Variants in MRPS15 observed in about 807,000 individuals in gnomAD.
MRPS15 encodes the protein small ribosomal subunit protein uS15m.
MRPS15 carries 25 observed loss-of-function variants against 30.7 expected under a neutral mutation model. The ratio of observed to expected loss-of-function variants is 0.81; its 90% CI spans 0.59 to 1.14. The LOEUF (loss-of-function observed/expected upper bound fraction) is 1.14, where lower values mean the gene tolerates loss of function less well. Among genes scored for constraint, MRPS15 ranks in the 50% most tolerant of loss-of-function variants. MRPS15 has a pLI of 0.00. For synonymous variants in MRPS15, 124 were observed against 120.1 expected (o/e 1.03, Z -0.21); for missense variants, 313 against 321.7 (o/e 0.97, Z 0.21).
intron 6 of MRPS15, 158 bp from the exon 7 acceptor site, chr1:36,456,536 T>G: frequency 1.4e-6 from 1 of 724,970 alleles, no homozygotes; most frequent in Non-Finnish European, 2.1e-6. Context: ...TATTCCCATT[T>G]TACAGATGAG....
At chr1:36,461,958 T>C (rs1224643616) in intron 3 of MRPS15, 130 bp downstream of exon 3, 3 of 707,904 alleles carry the variant, frequency 4.2e-6, no homozygotes, top group African/African-American at 3.6e-5. Context: ...CCTGGACACC[T>C]GGGCCCCTGC....
At chr1:36,464,018 G>C in intron 1 of MRPS15, 128 bp downstream of exon 1, 7 of 1,414,800 alleles carry the variant, frequency 4.9e-6, no homozygotes, top group South Asian at 2.8e-5. Flanking sequence ...TTCACCTCTT[G>C]CGCAACCACC....
chr1:36,461,543 CA>C (rs1481649450), intron 3 of MRPS15, among the ~76,000 whole-genome samples: 2 of 152,184 alleles, frequency 1.3e-5, no homozygotes, highest in African/African-American at 2.4e-5. Flanking sequence ...CCGGTCTCAT[CA>C]CAGGGAGGGC....
intron 5 of MRPS15, chr1:36,459,592 G>A (rs1650057428): frequency 6.6e-6 from 1 of 152,212 alleles, no homozygotes; most frequent in South Asian, 2.1e-4. Context: ...AGCAGGGCAA[G>A]GGAAGCTGAA....
rs186659135 is a variant in MRPS15 at position 36,464,349 on chromosome 1, C to T, written c.-74G>A. The T allele has an allele frequency of 3.0e-4, 468 of 1,546,474 alleles. 1 individual carries two copies. In the East Asian group the frequency reaches 0.01, roughly 34 times the overall value. ...TGCGGCACGGACCGGGTTACATGGG[C>T]GCCGCCATGCTGGCCCAGGATCGAC... On this transcript the variant is annotated 5_prime_UTR_variant, in exon 1 of 8. Transcript: ENST00000373116.
chr1:36,462,306 A>C, intron 2 of MRPS15, 143 bp from the exon 3 acceptor site: 1 of 602,382 alleles, frequency 1.7e-6, no homozygotes, highest in South Asian at 2.2e-5. Context: ...CTCTCGGCTC[A>C]GTTTCTCCTT....
Position 36,461,307 on chromosome 1 carries a change from T to C in MRPS15, c.257A>G (p.Asp86Gly), listed in dbSNP as rs755508614. 1.2e-6 allele frequency: 2 copies of C among 1,614,146 alleles called. No homozygotes were observed. Among genetic ancestry groups the C allele is most frequent in the Non-Finnish European group, 1.7e-6 (2 of 1,179,994 alleles). ...YQNVPGIEKV[D>G]DVVKRLLSLE... is the part of the protein sequence containing the mutation. ...AGACAAGAGTCTTTTCACGACATCA[T>C]CAACCCTGTGGATAAACCACAGCAA... The change falls in exon 4 of 8, where the codon GAT becomes GGT. Residue 86 changes from aspartate to glycine, a missense_variant. Coordinates refer to ENST00000373116, the MANE Select transcript of MRPS15 (RefSeq NM_031280.4).
In MRPS15 at chr1:36,463,936, G is replaced by A. The variant is rs1219058063; in HGVS notation, c.131-86C>T. On this transcript the variant is annotated intron_variant, in intron 1 of 7. Transcript: ENST00000373116. ...TCTGTGCCCCTCGCATTGCCCGTCC[G>A]CCACGGTCTATGCGCTTCTGAACCT... 3.3e-6 allele frequency: 5 copies of A among 1,535,288 alleles called. No individual in the cohort carries two copies. In the Admixed American group the frequency reaches 9.8e-5, roughly 30 times the overall value.
Position 36,461,443 on chromosome 1 carries a change from T to G in MRPS15, c.252-131A>C, listed in dbSNP as rs1450297020. 5 of 833,112 alleles carry G rather than the reference T, an allele frequency of 6.0e-6. No individual in the cohort carries two copies. In the East Asian group the frequency reaches 1.3e-4, roughly 22 times the overall value. The allele number at this position is 833,112 out of a possible 1,614,324, so 51.6% of individuals were successfully genotyped here. On this transcript the variant is annotated intron_variant, in intron 3 of 7. Transcript: ENST00000373116. Reference sequence around the variant, plus strand: ...TGTAGCAAATGAATCTCCCTGGAGGTGGGGAGCCATTTCCCAGGGATTAAA... The same window carrying G: ...TGTAGCAAATGAATCTCCCTGGAGGGGGGGAGCCATTTCCCAGGGATTAAA...
chr1:36,463,680 T>C (rs1199752099), intron 2 of MRPS15, 126 bp downstream of exon 2: 1 of 1,067,140 alleles, frequency 9.4e-7, no homozygotes, highest in Non-Finnish European at 1.3e-6. Context: ...GGACGTGGGG[T>C]CTTTTGCTCA....
At chr1:36,457,491 GCATC>G (rs1339936852) in intron 6 of MRPS15, among the ~76,000 whole-genome samples, 2 of 152,182 alleles carry the variant, frequency 1.3e-5, no homozygotes, top group Non-Finnish European at 2.9e-5. Context: ...GACTTTATAT[GCATC>G]ACATTGGCTG....
chr1:36,460,814 G>C, intron 4 of MRPS15, 38 bp from the exon 5 acceptor site: 1 of 1,553,916 alleles, frequency 6.4e-7, no homozygotes, highest in African/African-American at 1.4e-5. Flanking sequence ...TGTGGAGTCT[G>C]CCACCCTCTA....
At chr1:36,459,556 T>G (rs6672645) in intron 5 of MRPS15, 1 of 152,238 alleles carries the variant, frequency 6.6e-6, no homozygotes, top group African/African-American at 2.4e-5. Flanking sequence ...CTTTTGTGGC[T>G]GAGCTGGTCC....
intron 5 of MRPS15, 24 bp downstream of exon 5, chr1:36,460,668 A>C (rs772910981): frequency 1.3e-6 from 2 of 1,596,584 alleles, no homozygotes; most frequent in Non-Finnish European, 1.7e-6. Flanking sequence ...CTACACCCCC[A>C]CTCCCCAAGG....
chr1:36,457,891 C>T, intron 6 of MRPS15, 32 bp downstream of exon 6: 1 of 1,608,194 alleles, frequency 6.2e-7, no homozygotes, highest in Non-Finnish European at 8.5e-7. Flanking sequence ...CAGGCTGCTG[C>T]TGTTTAACTG....
At chr1:36,461,696 G>T (rs1401792345) in intron 3 of MRPS15, among the ~76,000 whole-genome samples, 1 of 152,230 alleles carries the variant, frequency 6.6e-6, no homozygotes, top group Non-Finnish European at 1.5e-5. Context: ...TTTGGTGTCA[G>T]TCAGCCCTGG....
At chr1:36,464,119 C>T in intron 1 of MRPS15, 27 bp downstream of exon 1, 1 of 1,608,014 alleles carries the variant, frequency 6.2e-7, no homozygotes, top group Non-Finnish European at 8.5e-7. Context: ...TTCCCTACGC[C>T]CGCCGTCCCA....
In MRPS15 at chr1:36,462,162, G is replaced by T. The variant is rs1272524708; in HGVS notation, c.177C>A (p.Ala59=). 1 of 1,610,224 alleles carries T rather than the reference G, an allele frequency of 6.2e-7. No individual in the cohort carries two copies. The highest frequency in any genetic ancestry group is 1.1e-5 in the South Asian group (1 of 90,740). The part of the protein sequence containing the change: ...AARGYVVRKP[A]QSRLDDDPPP... ...GTGGGTCATCATCCAGCCTAGACTGGGCTGTCAAGTAAATATGGGGATAGA... is the reference window on the plus strand; with the variant it reads ...GTGGGTCATCATCCAGCCTAGACTGTGCTGTCAAGTAAATATGGGGATAGA... Residue 59 remains alanine (A), a splice_region_variant and synonymous_variant, in exon 3 of 8, where the codon GCC becomes GCA. Coordinates refer to ENST00000373116, the MANE Select transcript of MRPS15 (RefSeq NM_031280.4).
chr1:36,461,231 G>C, intron 4 of MRPS15, 33 bp downstream of exon 4: 1 of 1,611,964 alleles, frequency 6.2e-7, no homozygotes, highest in Non-Finnish European at 8.5e-7. Context: ...GGAGAAGACT[G>C]CGGGAGGCTG....
Sources: allele counts gnomAD v4.1 joint callset (sites outside exome capture counted in the v4.1 genomes callset), GRCh38; gene constraint gnomAD v4.1.1; transcripts MANE v1.5; gene names NCBI Gene and HGNC (gene_info 2026-07-23, HGNC 2026-07-21).